LTBP1: variants seen among roughly 807,000 people sequenced by gnomAD.
LTBP1 encodes the protein latent-transforming growth factor beta-binding protein 1.
In LTBP1, 129 loss-of-function variants were observed where a neutral mutation model predicts 207.6. The ratio of observed to expected loss-of-function variants is 0.62; its 90% CI spans 0.54 to 0.72. The LOEUF is 0.72. Among genes scored for constraint, LTBP1 ranks in the 30% least tolerant of loss-of-function variants. The pLI is 0.00. For synonymous variants in LTBP1, 963 were observed against 833.7 expected (o/e 1.16, Z -2.67); for missense variants, 2,281 against 2,217.2 (o/e 1.03, Z -0.58).
chr2:33,301,445 A>G, intron 21 of LTBP1, 77 bp from the exon 22 acceptor site: 1 of 1,427,446 alleles, frequency 7.0e-7, no homozygotes, highest in African/African-American at 1.4e-5. Context: ...TAGAATTTAC[A>G]CTGATCCAAT....
chr2:33,033,942 A>T (rs2075801485), intron 3 of LTBP1, among the ~76,000 whole-genome samples: 1 of 152,274 alleles, frequency 6.6e-6, no homozygotes, highest in South Asian at 2.1e-4. Context: ...TGATGTGATG[A>T]GACTGTTTGC....
intron 5 of LTBP1, among the ~76,000 whole-genome samples, chr2:33,175,268 G>A (rs2085910528): frequency 6.6e-6 from 1 of 151,362 alleles, no homozygotes; most frequent in Non-Finnish European, 1.5e-5. Flanking sequence ...TCTGACAAAG[G>A]GCTAATATCC....
intron 4 of LTBP1, among the ~76,000 whole-genome samples, chr2:33,121,470 G>C (rs1298728096): frequency 6.6e-6 from 1 of 152,068 alleles, no homozygotes; most frequent in African/African-American, 2.4e-5. Context: ...GTGTGGGATT[G>C]AGTGCTCTTC....
chr2:33,201,963 A>G (rs933695297), intron 7 of LTBP1, among the ~76,000 whole-genome samples: 6 of 151,278 alleles, frequency 4.0e-5, no homozygotes, highest in Non-Finnish European at 8.8e-5. Flanking sequence ...CTAATTGAAG[A>G]TAGGTCTCTT....
At chr2:33,267,789 A>C (rs2093220916) in intron 15 of LTBP1, among the ~76,000 whole-genome samples, 1 of 152,240 alleles carries the variant, frequency 6.6e-6, no homozygotes, top group Non-Finnish European at 1.5e-5. Flanking sequence ...TGCAGTTTCA[A>C]CATTTAAATG....
chr2:33,078,316 T>C (rs986821742), intron 3 of LTBP1, among the ~76,000 whole-genome samples: 1 of 152,202 alleles, frequency 6.6e-6, no homozygotes, highest in Non-Finnish European at 1.5e-5. Flanking sequence ...AGGGTGGAGT[T>C]GACAGAATTT....
chr2:33,143,239 T>G (rs1320859987), intron 5 of LTBP1, among the ~76,000 whole-genome samples: 1 of 152,204 alleles, frequency 6.6e-6, no homozygotes, highest in Non-Finnish European at 1.5e-5. Flanking sequence ...CAGAGCCTCA[T>G]TTCCCTTATT....
chr2:33,386,744 G>A (rs1470371790), intron 31 of LTBP1, among the ~76,000 whole-genome samples: 1 of 152,040 alleles, frequency 6.6e-6, no homozygotes, highest in Non-Finnish European at 1.5e-5. Flanking sequence ...AGGATCGCTT[G>A]AGCCCAGGAG....
chr2:33,212,989 G>C (rs1484340686), intron 7 of LTBP1, among the ~76,000 whole-genome samples: 2 of 152,112 alleles, frequency 1.3e-5, no homozygotes, highest in Non-Finnish European at 2.9e-5. Flanking sequence ...TCTTGCTCAG[G>C]GTATCTGAAC....
intron 1 of LTBP1, among the ~76,000 whole-genome samples, chr2:32,948,104 CAACTGCTTCTAGAAGATGGGCGTA>C (rs1438192942): frequency 6.6e-6 from 1 of 152,240 alleles, no homozygotes; most frequent in African/African-American, 2.4e-5. Context: ...CGCGCAAACC[CAACTGCTTCTAGAAGATGGGCGTA>C]AACTTGAGGT....
At chr2:33,261,570 T>C (rs996295299) in intron 13 of LTBP1, among the ~76,000 whole-genome samples, 2 of 22,330 alleles carry the variant, frequency 9.0e-5, no homozygotes, top group Non-Finnish European at 8.1e-5. Flanking sequence ...TGAACAACTG[T>C]TAAGAAAAAA....
chr2:33,158,693 C>T (rs2084208012), intron 5 of LTBP1, among the ~76,000 whole-genome samples: 2 of 152,160 alleles, frequency 1.3e-5, no homozygotes, highest in South Asian at 4.1e-4. Context: ...TCCAGTGATT[C>T]ATATGTATTA....
intron 3 of LTBP1, among the ~76,000 whole-genome samples, chr2:33,027,245 A>G (rs534404691): frequency 6.6e-6 from 1 of 152,214 alleles, no homozygotes; most frequent in East Asian, 1.9e-4. Flanking sequence ...TAAAAATTGT[A>G]TGTATTTACA....
At chr2:33,293,120 CT>C in intron 19 of LTBP1, 39 bp from the exon 20 acceptor site, 1 of 1,584,606 alleles carries the variant, frequency 6.3e-7, no homozygotes, top group South Asian at 1.2e-5. Context: ...TTTTCTTTTT[CT>C]TCTTTTTTTG....
intron 4 of LTBP1, among the ~76,000 whole-genome samples, chr2:33,111,441 A>G (rs753718684): frequency 2.6e-5 from 4 of 152,224 alleles, no homozygotes; most frequent in African/African-American, 9.6e-5. Flanking sequence ...CTCTCGTTCC[A>G]GCAGCTTCCT....
chr2:33,167,190 T>A (rs1396760990), intron 5 of LTBP1, among the ~76,000 whole-genome samples: 6 of 152,258 alleles, frequency 3.9e-5, no homozygotes. Context: ...TTAAGATGAA[T>A]AATTTGGAAA....
At chr2:33,314,207 C>T (rs1017912922) in intron 23 of LTBP1, among the ~76,000 whole-genome samples, 10 of 152,260 alleles carry the variant, frequency 6.6e-5, no homozygotes, top group South Asian at 2.1e-4. Flanking sequence ...AGCCCTCATT[C>T]GCTGATTTCA....
At chr2:33,144,768 G>C (rs528103011) in intron 5 of LTBP1, among the ~76,000 whole-genome samples, 5 of 152,304 alleles carry the variant, frequency 3.3e-5, no homozygotes, top group African/African-American at 1.2e-4. Context: ...TGCATCTGTA[G>C]TATAAAAGTC....
chr2:33,387,990 C>T (rs2095282650), intron 31 of LTBP1, among the ~76,000 whole-genome samples: 2 of 152,086 alleles, frequency 1.3e-5, no homozygotes, highest in South Asian at 2.1e-4. Context: ...TCCGTGGAGC[C>T]CCAGAATTTC....
Sources: gnomAD v4.1 joint callset for allele counts (sites outside exome capture counted in the v4.1 genomes callset) on GRCh38, gnomAD v4.1.1 for gene constraint, MANE v1.5 for transcripts, NCBI Gene and HGNC (gene_info 2026-07-23, HGNC 2026-07-21) for gene names.